PLEKHG5: variants seen among roughly 807,000 people sequenced by gnomAD.
The protein encoded by PLEKHG5 is pleckstrin homology and RhoGEF domain containing G5.
Under a neutral mutation model 103.8 loss-of-function variants are expected in PLEKHG5, and 52 were observed. The observed-to-expected ratio is 0.50, with a 90% CI of 0.40 to 0.63. The LOEUF is 0.63. Ranked by LOEUF, PLEKHG5 falls within the 30% of genes least tolerant of loss-of-function variation. The pLI, the probability that PLEKHG5 is intolerant of heterozygous loss-of-function variation, is 0.00. For synonymous variants in PLEKHG5, 592 were observed against 575.5 expected (o/e 1.03, Z -0.41); for missense variants, 1,205 against 1,347.6 (o/e 0.89, Z 1.66).
chr1:6,513,595 C>G (rs961871259), intron 1 of PLEKHG5, among the ~76,000 whole-genome samples: 3 of 152,248 alleles, frequency 2.0e-5, no homozygotes, highest in Non-Finnish European at 4.4e-5. Flanking sequence ...ACTTTTAAAC[C>G]TGGCCAGACA....
Position 6,470,593 on chromosome 1 carries a change from C to T in PLEKHG5, c.1593G>A (p.Gln531=). 6.2e-7 allele frequency: 1 copy of T among 1,602,920 alleles called. No individual in the cohort carries two copies. Among genetic ancestry groups the T allele is most frequent in the Non-Finnish European group, 8.5e-7 (1 of 1,178,928 alleles). The change falls in exon 15 of 21, where the codon CAG becomes CAA. Residue 531 remains glutamine (Q), a synonymous_variant. Coordinates refer to ENST00000377728, the MANE Select transcript of PLEKHG5 (RefSeq NM_020631.6). ...FIHHVNACMR[Q]RQERQRLAAV... Reference sequence around the variant, plus strand: ...CCGCCAGCCGCTGCCGCTCCTGCCGCTGCCGCATGCACGCGTTCACGTGGT... The same window carrying T: ...CCGCCAGCCGCTGCCGCTCCTGCCGTTGCCGCATGCACGCGTTCACGTGGT...
At chr1:6,473,630 C>A (rs1321108575) in intron 7 of PLEKHG5, among the ~76,000 whole-genome samples, 176 bp from the exon 8 acceptor site, 2 of 152,174 alleles carry the variant, frequency 1.3e-5, no homozygotes, top group African/African-American at 4.8e-5. Context: ...AAGGTCCAGA[C>A]ACAGATACGC....
At chr1:6,468,845 C>T (rs537568718) in intron 19 of PLEKHG5, among the ~76,000 whole-genome samples, 197 bp downstream of exon 19, 5 of 152,314 alleles carry the variant, frequency 3.3e-5, no homozygotes, top group South Asian at 2.1e-4. Flanking sequence ...GCAGCTACCA[C>T]GAATGGATCA....
rs1230619095 is a variant in PLEKHG5, at chr1:6,485,834, A to ACCTCTGCG, written c.-88+5795_-88+5802dup. ...CCTCTGCCTGGCCCGGGGTACCCCCACCTCTGCGCCTCTGCGCGGCCCCGG... is the reference window on the plus strand; with the variant it reads ...CCTCTGCCTGGCCCGGGGTACCCCCACCTCTGCGCCTCTGCGCCTCTGCGCGGCCCCGG... On this transcript the variant is annotated intron_variant, in intron 1 of 20. Transcript: ENST00000377728. 1.3e-4 allele frequency: 126 copies of ACCTCTGCG among 962,560 alleles called. 1 individual carries two copies. Among genetic ancestry groups the ACCTCTGCG allele is most frequent in the Middle Eastern group, 5.4e-4 (1 of 1,850 alleles). The allele number at this position is 962,560 out of a possible 1,614,324, so 59.6% of individuals were successfully genotyped here.
At chr1:6,517,584 A>C (rs905706780) in intron 1 of PLEKHG5, among the ~76,000 whole-genome samples, 2 of 152,274 alleles carry the variant, frequency 1.3e-5, no homozygotes, top group African/African-American at 2.4e-5. Flanking sequence ...GAATACTAGC[A>C]GGGGATGAGC....
chr1:6,511,932 C>G (rs556526027), intron 1 of PLEKHG5, among the ~76,000 whole-genome samples: 11 of 152,346 alleles, frequency 7.2e-5, no homozygotes, highest in Admixed American at 4.6e-4. Context: ...TCCCTGTGCT[C>G]AGGAACAGAC....
In PLEKHG5 at chr1:6,472,511, C is replaced by A. The variant is rs369325797; in HGVS notation, c.1080+16G>T. Reference sequence around the variant, plus strand: ...GGGGCAGGGTGGCCACGGGGACCAGCGCAGCCCCTACTCACGTTGATGATC... The same window carrying A: ...GGGGCAGGGTGGCCACGGGGACCAGAGCAGCCCCTACTCACGTTGATGATC... On this transcript the variant is annotated intron_variant, in intron 10 of 20. Transcript: ENST00000377728. 1 of 1,578,312 alleles carries A rather than the reference C, an allele frequency of 6.3e-7. No individual in the cohort carries two copies. The highest frequency in any genetic ancestry group is 8.7e-7 in the Non-Finnish European group (1 of 1,148,172).
At chr1:6,478,808 T>A (rs1345650154) in intron 1 of PLEKHG5, among the ~76,000 whole-genome samples, 2 of 151,996 alleles carry the variant, frequency 1.3e-5, no homozygotes, top group South Asian at 2.1e-4. Context: ...CACGCCCGAC[T>A]AATTTTTGTA....
intron 1 of PLEKHG5, among the ~76,000 whole-genome samples, chr1:6,479,886 T>C (rs2148603111): frequency 6.6e-6 from 1 of 152,242 alleles, no homozygotes; most frequent in South Asian, 2.1e-4. Context: ...GCTGGGATTA[T>C]AGGCATGAGC....
In PLEKHG5 at chr1:6,505,716, G is replaced by A. The variant is rs546380148; in HGVS notation, c.-164-9147C>T. On this transcript the variant is annotated intron_variant, in intron 1 of 21. Transcript: ENST00000377740. The surrounding 1 kb of genome is among the most constrained non-coding windows in gnomAD (Gnocchi z 4.2). ...AGAAAACACCATGGCCTGATCTTGC[G>A]GGCGGGGTGAGAGCAGAGGCAGAGG... 5.3e-5 allele frequency among the ~76,000 whole-genome samples: 8 copies of A among 152,250 alleles called. No individual in the cohort carries two copies. The highest frequency in any genetic ancestry group is 1.9e-4 in the East Asian group (1 of 5,198).
intron 1 of PLEKHG5, among the ~76,000 whole-genome samples, chr1:6,518,243 G>A (rs534132793): frequency 6.6e-6 from 1 of 151,150 alleles, no homozygotes; most frequent in African/African-American, 2.4e-5. Flanking sequence ...TGTCATGGCG[G>A]ATATTAAAAG....
upstream of PLEKHG5, among the ~76,000 whole-genome samples, chr1:6,494,133 T>TC (rs1645189128): frequency 1.4e-5 from 2 of 142,800 alleles, no homozygotes; most frequent in Non-Finnish European, 3.1e-5. Context: ...TTTTTTTTTT[T>TC]TTTTTTTTTT....
At chr1:6,516,882 A>G (rs1201814603) in intron 1 of PLEKHG5, among the ~76,000 whole-genome samples, 2 of 11,282 alleles carry the variant, frequency 1.8e-4, no homozygotes, top group East Asian at 7.2e-3. Context: ...ATATATATAT[A>G]TATACACATA....
At chr1:6,480,399 G>A (rs191103851) in intron 1 of PLEKHG5, among the ~76,000 whole-genome samples, 218 of 151,780 alleles carry the variant, frequency 1.4e-3, no homozygotes, top group African/African-American at 5.1e-3. Flanking sequence ...TCGTGGCAGC[G>A]TACGCCTGTA....
At chr1:6,511,864 A>T (rs4525068) in intron 1 of PLEKHG5, among the ~76,000 whole-genome samples, 2 of 152,124 alleles carry the variant, frequency 1.3e-5, no homozygotes, top group Non-Finnish European at 2.9e-5. Context: ...GCTGGCAGGA[A>T]GCCCAGGGCC....
upstream of PLEKHG5, among the ~76,000 whole-genome samples, chr1:6,495,324 C>A (rs896237454): frequency 9.1e-4 from 139 of 152,366 alleles, no homozygotes; most frequent in African/African-American, 3.0e-3. Context: ...AGGCCGCCCC[C>A]TCCCCGCCCC....
Position 6,474,997 on chromosome 1 carries a change from C to T in PLEKHG5, c.302+50G>A, listed in dbSNP as rs756508243. ...GAGACCCGGAGCCTGCAACATGGGG[C>T]CACCCCTACTCCCAGTCCCACTTCC... is the stretch of plus-strand genomic sequence containing the variant. On this transcript the variant is annotated intron_variant, in intron 5 of 20. Coordinates refer to ENST00000377728, the MANE Select transcript of PLEKHG5 (RefSeq NM_020631.6). 3.6e-6 allele frequency: 4 copies of T among 1,117,722 alleles called. No homozygotes were observed. The South Asian group carries it at 3.7e-5, about 10-fold the overall frequency. The allele number at this position is 1,117,722 out of a possible 1,614,324, so 69.2% of individuals were successfully genotyped here.
rs377503203 is a variant in PLEKHG5 at position 6,476,007 on chromosome 1, G to A, written c.73C>T (p.Arg25Trp). The change falls in exon 3 of 21, where the codon CGG becomes TGG. Residue 25 changes from arginine to tryptophan, a missense_variant. Transcript: ENST00000377728. ...GGGCTGGTGCGCGGCGGGCATGACC[G>A]GGTGGACACGTTCCGGGCCAGCACA... ...GSVLARNVST[R>W]SCPPRTSPAV... 1.5e-4 allele frequency: 249 copies of A among 1,613,590 alleles called. No homozygotes were observed. The highest frequency in any genetic ancestry group is 2.0e-4 in the Non-Finnish European group (237 of 1,179,998).
At chr1:6,476,878 C>G (rs550323814) in intron 2 of PLEKHG5, among the ~76,000 whole-genome samples, 7 of 152,076 alleles carry the variant, frequency 4.6e-5, no homozygotes, top group Non-Finnish European at 1.0e-4. Context: ...CCTCAGCCTC[C>G]GAGCAGCTGG....
Sources: gnomAD v4.1 joint callset for allele counts (sites outside exome capture counted in the v4.1 genomes callset) on GRCh38, gnomAD v4.1.1 for gene constraint, Gnocchi (gnomAD v3.1) non-coding constraint, MANE v1.5 for transcripts, NCBI Gene and HGNC (gene_info 2026-07-23, HGNC 2026-07-21) for gene names.